RBM19: variants seen among roughly 807,000 people sequenced by gnomAD.
RBM19 encodes RNA binding motif protein 19.
RBM19 carries 94 observed loss-of-function variants against 116.8 expected under a neutral mutation model. The observed-to-expected ratio is 0.80, with a 90% CI of 0.68 to 0.95. The LOEUF is 0.95. RBM19 is among the 40% of genes least tolerant of loss of function. The pLI is 0.00. For synonymous variants in RBM19, 475 were observed against 494.1 expected, an observed-to-expected ratio of 0.96 and a Z score of 0.51; for missense variants, 1,161 against 1,220.7, an observed-to-expected ratio of 0.95 and a Z score of 0.73.
At chr12:113,861,734 G>A (rs1199848103) in intron 21 of RBM19, among the ~76,000 whole-genome samples, 1 of 152,120 alleles carries the variant, frequency 6.6e-6, no homozygotes, top group African/African-American at 2.4e-5. Context: ...GGCTACAGAA[G>A]ACATGCTTTT....
intron 9 of RBM19, among the ~76,000 whole-genome samples, chr12:113,949,837 T>C (rs1348825192): frequency 6.6e-6 from 1 of 152,174 alleles, no homozygotes; most frequent in African/African-American, 2.4e-5. Flanking sequence ...TGTTTCCCTG[T>C]AGCATGGATC....
chr12:113,916,756 C>G (rs556857096), intron 20 of RBM19, among the ~76,000 whole-genome samples: 1 of 152,338 alleles, frequency 6.6e-6, no homozygotes, highest in East Asian at 1.9e-4. Flanking sequence ...AGTGTATCAT[C>G]TTAATGACAG....
intron 6 of RBM19, among the ~76,000 whole-genome samples, chr12:113,956,130 C>T (rs887849741): frequency 1.3e-5 from 2 of 152,130 alleles, no homozygotes; most frequent in African/African-American, 4.8e-5. Flanking sequence ...ATTCTGACTT[C>T]CCCACACTCT....
chr12:113,855,859 A>G (rs1427919696), intron 22 of RBM19, among the ~76,000 whole-genome samples: 1 of 152,238 alleles, frequency 6.6e-6, no homozygotes, highest in South Asian at 2.1e-4. Flanking sequence ...GGACGATTCT[A>G]CGGGTCAGTG....
chr12:113,890,865 G>C (rs938334720), intron 21 of RBM19, among the ~76,000 whole-genome samples: 3 of 152,194 alleles, frequency 2.0e-5, no homozygotes, highest in African/African-American at 7.2e-5. Flanking sequence ...ACAGCTCACT[G>C]TAGCCTCAAA....
chr12:113,930,484 G>C (rs938512618), intron 16 of RBM19, among the ~76,000 whole-genome samples: 49 of 152,246 alleles, frequency 3.2e-4, no homozygotes, highest in Non-Finnish European at 4.3e-4. Context: ...TTCCCTGGCA[G>C]ATCAGCTGCC....
At chr12:113,925,346 G>A (rs1868973613) in intron 17 of RBM19, among the ~76,000 whole-genome samples, 1 of 152,170 alleles carries the variant, frequency 6.6e-6, no homozygotes, top group Non-Finnish European at 1.5e-5. Context: ...CAAACACTAC[G>A]AGCAGCAGCT....
intron 21 of RBM19, among the ~76,000 whole-genome samples, chr12:113,884,572 C>T (rs755153049): frequency 2.7e-4 from 41 of 152,194 alleles, no homozygotes; most frequent in Middle Eastern, 3.4e-3. Context: ...TGGGAAACTC[C>T]GTACTGGAGG....
intron 21 of RBM19, among the ~76,000 whole-genome samples, chr12:113,897,352 G>C (rs1331490129): frequency 2.0e-5 from 3 of 152,212 alleles, no homozygotes; most frequent in African/African-American, 7.2e-5. Flanking sequence ...TTTTAGTAGA[G>C]ATGGGGTTTT....
intron 7 of RBM19, among the ~76,000 whole-genome samples, 181 bp downstream of exon 7, chr12:113,954,950 G>C (rs73401067): frequency 0.087 from 13,299 of 152,176 alleles, 671 homozygotes; most frequent in East Asian, 0.17. Flanking sequence ...GTGTAGCCAT[G>C]CCTGTTTCCT....
At position 113,937,075 on chromosome 12, in the gene RBM19, G is replaced by T; in HGVS notation, c.2000C>A (p.Pro667Gln). The T allele has an allele frequency of 6.2e-7, 1 of 1,614,022 alleles. No individual in the cohort carries two copies. The highest frequency in any genetic ancestry group is 8.5e-7 in the Non-Finnish European group (1 of 1,179,962). Reference sequence around the variant, plus strand: ...TGTGTCTTGGAGCTTTTTCTTCTGTGGGGCTGTGCTGGAGAAGACGCCAAC... The same window carrying T: ...TGTGTCTTGGAGCTTTTTCTTCTGTTGGGCTGTGCTGGAGAAGACGCCAAC... ...APVGVFSSTA[P>Q]QKKKLQDTPS... Residue 667 changes from proline to glutamine, a missense_variant, in exon 16 of 24, where the codon CCA (proline) becomes CAA (glutamine). Transcript: ENST00000261741.
chr12:113,873,688 T>TA (rs1879457349), intron 21 of RBM19, among the ~76,000 whole-genome samples: 1 of 63,880 alleles, frequency 1.6e-5, no homozygotes, highest in Admixed American at 1.7e-4. Flanking sequence ...AAAAAATAAA[T>TA]TAAAAAAAAA....
At chr12:113,929,565 C>G (rs373060731) in intron 16 of RBM19, among the ~76,000 whole-genome samples, 1 of 152,162 alleles carries the variant, frequency 6.6e-6, no homozygotes, top group African/African-American at 2.4e-5. Flanking sequence ...ATGGTGAGAA[C>G]GAAAGCTATG....
intron 21 of RBM19, among the ~76,000 whole-genome samples, chr12:113,865,986 C>T (rs1226731286): frequency 6.6e-6 from 1 of 152,204 alleles, no homozygotes; most frequent in Non-Finnish European, 1.5e-5. Flanking sequence ...TAAGGAGTTT[C>T]AGCATGGTTT....
chr12:113,872,249 T>C (rs201733428), intron 21 of RBM19, among the ~76,000 whole-genome samples: 15,242 of 128,634 alleles, frequency 0.12, 1,272 homozygotes, highest in East Asian at 0.26. Flanking sequence ...CGTCTCTGCC[T>C]GGCCGCCCCG....
At chr12:113,880,776 C>T (rs1049742773) in intron 21 of RBM19, among the ~76,000 whole-genome samples, 1 of 152,184 alleles carries the variant, frequency 6.6e-6, no homozygotes, top group African/African-American at 2.4e-5. Context: ...ATTTACTGTT[C>T]CGTTTTCCCA....
At chr12:113,943,408 G>A (rs1180774189) in intron 13 of RBM19, among the ~76,000 whole-genome samples, 2 of 152,084 alleles carry the variant, frequency 1.3e-5, no homozygotes, top group Non-Finnish European at 2.9e-5. Context: ...CTCAGTATGT[G>A]AAATGCAACG....
intron 21 of RBM19, among the ~76,000 whole-genome samples, chr12:113,870,332 C>T (rs897496565): frequency 1.1e-4 from 17 of 152,318 alleles, no homozygotes; most frequent in East Asian, 5.8e-4. Context: ...CCCACTCCTT[C>T]GCCTGCCACG....
At chr12:113,859,022 A>G in intron 21 of RBM19, 126 bp from the exon 22 acceptor site, 1 of 766,578 alleles carries the variant, frequency 1.3e-6, no homozygotes, top group South Asian at 1.6e-5. Flanking sequence ...GCAGGCACAC[A>G]CACGCTCACA....
Sources: allele counts gnomAD v4.1 joint callset (sites outside exome capture counted in the v4.1 genomes callset), GRCh38; gene constraint gnomAD v4.1.1; transcripts MANE v1.5; gene names NCBI Gene and HGNC (gene_info 2026-07-23, HGNC 2026-07-21).